FSTL4: variants seen among roughly 807,000 people sequenced by gnomAD.
The protein encoded by FSTL4 is follistatin-related protein 4.
Under a neutral mutation model 78.2 loss-of-function variants are expected in FSTL4, and 28 were observed. The observed-to-expected ratio is 0.36, with a 90% CI of 0.27 to 0.49. FSTL4 has a LOEUF of 0.49. FSTL4 is among the 20% of genes least tolerant of loss of function. FSTL4 has a pLI of 0.98. For missense variants in FSTL4, 922 were observed against 1,084.9 expected (o/e 0.85, Z 2.11); for synonymous variants, 422 against 440.5 (o/e 0.96, Z 0.53).
intron 13 of FSTL4, among the ~76,000 whole-genome samples, chr5:133,211,172 T>A (rs538219757): frequency 6.6e-6 from 1 of 152,214 alleles, no homozygotes; most frequent in South Asian, 2.1e-4. Flanking sequence ...AGTACTGCTA[T>A]CCCCTGATGA....
the FSTL4 span, among the ~76,000 whole-genome samples, chr5:133,721,159 GC>G: frequency 6.6e-6 from 1 of 152,032 alleles, no homozygotes. Context: ...AATACCTTTT[GC>G]CCATCTTTTT....
intron 2 of FSTL4, among the ~76,000 whole-genome samples, chr5:133,591,717 G>A (rs559735771): frequency 1.3e-5 from 2 of 152,174 alleles, no homozygotes; most frequent in South Asian, 4.2e-4. Context: ...CTGCAGCAAG[G>A]GCTACACTCA....
rs542730538 is a variant in FSTL4 at position 133,345,833 on chromosome 5, G to A, written c.410-29181C>T. Among the ~76,000 whole-genome samples the A allele has an allele frequency of 2.6e-4, 39 of 152,280 alleles. No homozygotes were observed. The South Asian group carries it at 4.6e-3, about 18-fold the overall frequency. ...CAGCCATTGTGAAAGACAGTGTGGCGATTCCTCAAGGATCTGGAACCAGAA... is the reference window on the plus strand; with the variant it reads ...CAGCCATTGTGAAAGACAGTGTGGCAATTCCTCAAGGATCTGGAACCAGAA... On this transcript the variant is annotated intron_variant, in intron 4 of 15. Transcript: ENST00000265342.
chr5:133,269,184 C>CAAAAAAAAA (rs869156118), intron 6 of FSTL4, among the ~76,000 whole-genome samples: 1 of 58,988 alleles, frequency 1.7e-5, no homozygotes, highest in African/African-American at 4.4e-5. Flanking sequence ...GACTCCATCT[C>CAAAAAAAAA]AAAAAAAAAA....
chr5:133,827,134 C>G, the FSTL4 span, among the ~76,000 whole-genome samples: 1 of 152,182 alleles, frequency 6.6e-6, no homozygotes, highest in Admixed American at 6.5e-5. Context: ...CTTATGATAC[C>G]GCATCATCCT....
rs183340377 is a variant in FSTL4, at chr5:133,208,967, G to C, written c.1716+1224C>G. 8.5e-5 allele frequency among the ~76,000 whole-genome samples: 13 copies of C among 152,332 alleles called. No homozygotes were observed. In the East Asian group the frequency reaches 1.4e-3, roughly 16 times the overall value. ...ATTACAGGCGTGAGCCACTGTGCCT[G>C]TTCACATTTTTCATCTATTGCAGTT... On this transcript the variant is annotated intron_variant, in intron 14 of 15. Transcript: ENST00000265342.
intron 7 of FSTL4, 46 bp from the exon 8 acceptor site, chr5:133,233,583 G>A (rs1168582057): frequency 2.1e-5 from 34 of 1,606,596 alleles, no homozygotes; most frequent in East Asian, 6.7e-5. Flanking sequence ...TTTATTGAAC[G>A]GGCTGGAAAC....
At chr5:133,250,675 A>T (rs1752199268) in intron 6 of FSTL4, among the ~76,000 whole-genome samples, 1 of 152,232 alleles carries the variant, frequency 6.6e-6, no homozygotes, top group Non-Finnish European at 1.5e-5. Flanking sequence ...ATCTGTGCTC[A>T]CACCCTCTTG....
intron 4 of FSTL4, among the ~76,000 whole-genome samples, chr5:133,397,577 C>T (rs1047514691): frequency 7.9e-5 from 12 of 152,230 alleles, no homozygotes; most frequent in Admixed American, 6.5e-5. Flanking sequence ...TAGAATGCTG[C>T]CTCTTCTCCC....
intron 3 of FSTL4, among the ~76,000 whole-genome samples, chr5:133,421,268 T>C (rs949187559): frequency 6.6e-6 from 1 of 152,188 alleles, no homozygotes; most frequent in Non-Finnish European, 1.5e-5. Context: ...TCAAGTCAGG[T>C]TTTGAACACA....
At chr5:133,407,139 C>A (rs938434979) in intron 3 of FSTL4, among the ~76,000 whole-genome samples, 1 of 152,210 alleles carries the variant, frequency 6.6e-6, no homozygotes, top group Non-Finnish European at 1.5e-5. Context: ...AGCTTAGAGG[C>A]CTAAGTAGCA....
the FSTL4 span, among the ~76,000 whole-genome samples, chr5:133,733,921 C>G: frequency 6.6e-6 from 1 of 152,184 alleles, no homozygotes; most frequent in Non-Finnish European, 1.5e-5. Flanking sequence ...TGGTTGTTGG[C>G]ATGACGCCTC....
intron 6 of FSTL4, among the ~76,000 whole-genome samples, chr5:133,292,890 T>C (rs1186081943): frequency 1.3e-5 from 2 of 152,252 alleles, no homozygotes; most frequent in African/African-American, 4.8e-5. Context: ...GCTCCTGATT[T>C]AAGGGGCAGC....
chr5:133,554,243 C>T (rs980695559), intron 3 of FSTL4, among the ~76,000 whole-genome samples: 6 of 152,178 alleles, frequency 3.9e-5, no homozygotes, highest in Non-Finnish European at 7.3e-5. Context: ...TTTGGGAAAT[C>T]CAGACAGAGA....
intron 4 of FSTL4, among the ~76,000 whole-genome samples, chr5:133,386,113 A>C (rs1755696229): frequency 6.6e-6 from 1 of 152,226 alleles, no homozygotes; most frequent in African/African-American, 2.4e-5. Flanking sequence ...GGGTAATAAC[A>C]GTCCTTACCC....
chr5:133,411,549 A>G (rs1756478096), intron 3 of FSTL4, among the ~76,000 whole-genome samples: 1 of 152,212 alleles, frequency 6.6e-6, no homozygotes, highest in African/African-American at 2.4e-5. Flanking sequence ...GTGAAAATAG[A>G]AATAAAGAAA....
intron 3 of FSTL4, among the ~76,000 whole-genome samples, chr5:133,421,334 A>G (rs921263069): frequency 6.6e-6 from 1 of 152,232 alleles, no homozygotes; most frequent in East Asian, 1.9e-4. Flanking sequence ...AGGGTTGGGC[A>G]GTGGGCCCAA....
At chr5:133,547,380 A>T (rs891865476) in intron 3 of FSTL4, among the ~76,000 whole-genome samples, 1 of 152,216 alleles carries the variant, frequency 6.6e-6, no homozygotes, top group African/African-American at 2.4e-5. Flanking sequence ...GAACAAGTTA[A>T]GACCTTTGGG....
intron 2 of FSTL4, chr5:133,574,689 A>G (rs1249123859): frequency 1.3e-5 from 2 of 152,236 alleles, no homozygotes; most frequent in African/African-American, 4.8e-5. Context: ...ATGTCCACCA[A>G]TGGTGGAACA....
Sources: allele counts gnomAD v4.1 joint callset (sites outside exome capture counted in the v4.1 genomes callset), GRCh38; gene constraint gnomAD v4.1.1; transcripts MANE v1.5; gene names NCBI Gene and HGNC (gene_info 2026-07-23, HGNC 2026-07-21).